Variants in FANCC observed in about 807,000 individuals in gnomAD.
FANCC encodes Fanconi anemia group C protein.
FANCC carries 55 observed loss-of-function variants against 71.3 expected under a neutral mutation model. The ratio of observed to expected loss-of-function variants is 0.77; its 90% confidence interval spans 0.62 to 0.97. FANCC has a LOEUF of 0.97. Among genes scored for constraint, FANCC ranks in the 50% least tolerant of loss-of-function variants. FANCC has a pLI of 0.00. For missense variants in FANCC, 678 were observed against 670.9 expected, an observed-to-expected ratio of 1.01 and a Z score of -0.12; for synonymous variants, 275 against 244.9, an observed-to-expected ratio of 1.12 and a Z score of -1.15.
chr9:95,307,740 C>G (rs1004876897), intron 1 of FANCC, among the ~76,000 whole-genome samples: 15 of 152,220 alleles, frequency 9.9e-5, no homozygotes, highest in African/African-American at 3.6e-4. Flanking sequence ...AGTGGTAGAG[C>G]ATTTGACTGC....
chr9:95,105,544 G>A (rs74708518), intron 14 of FANCC, among the ~76,000 whole-genome samples: 7 of 152,302 alleles, frequency 4.6e-5, no homozygotes, highest in African/African-American at 1.7e-4. Context: ...AAAATGTGCT[G>A]TTTTACCCAT....
intron 7 of FANCC, among the ~76,000 whole-genome samples, chr9:95,140,096 T>C (rs1260152809): frequency 2.0e-5 from 3 of 151,960 alleles, no homozygotes; most frequent in African/African-American, 2.4e-5. Flanking sequence ...TACCTAATAA[T>C]TGGGAGAGTT....
At chr9:95,271,052 C>T (rs1016719440) in intron 1 of FANCC, among the ~76,000 whole-genome samples, 1 of 152,156 alleles carries the variant, frequency 6.6e-6, no homozygotes, top group Non-Finnish European at 1.5e-5. Context: ...TGCTCATCAA[C>T]CAAGGACAGT....
At chr9:95,313,805 A>C (rs56769237) in intron 1 of FANCC, among the ~76,000 whole-genome samples, 1,733 of 152,334 alleles carry the variant, frequency 0.011, 31 homozygotes, top group African/African-American at 0.039. Context: ...ATAAATACAC[A>C]AATCAGTTAA....
At chr9:95,306,228 T>C (rs1329103664) in intron 1 of FANCC, among the ~76,000 whole-genome samples, 1 of 152,230 alleles carries the variant, frequency 6.6e-6, no homozygotes, top group Non-Finnish European at 1.5e-5. Flanking sequence ...TCCATTCATA[T>C]ACAAACATTT....
chr9:95,286,380 G>T (rs931591208), intron 1 of FANCC, among the ~76,000 whole-genome samples: 1 of 152,148 alleles, frequency 6.6e-6, no homozygotes, highest in Non-Finnish European at 1.5e-5. Context: ...TGGTGTAGGG[G>T]CTTCCAGGAA....
rs536793821 is a variant in FANCC at position 95,136,922 on chromosome 9, C to A, written c.687-1420G>T. On this transcript the variant is annotated intron_variant, in intron 7 of 14. Coordinates refer to ENST00000289081, the MANE Select transcript of FANCC (RefSeq NM_000136.3). The stretch of plus-strand genomic sequence containing the variant: ...CATGTCTGTCTCTGAGCCCCAACTG[C>A]TGGCTCTGGGATACAGTAGAGCTGC... Among the ~76,000 whole-genome samples, 15 of 152,332 alleles carry A rather than the reference C, an allele frequency of 9.8e-5. No homozygotes were observed. In the South Asian group the frequency reaches 3.1e-3, roughly 32 times the overall value.
At chr9:95,296,100 G>A (rs1028772851) in intron 1 of FANCC, among the ~76,000 whole-genome samples, 1 of 152,128 alleles carries the variant, frequency 6.6e-6, no homozygotes, top group Non-Finnish European at 1.5e-5. Flanking sequence ...AACTCATTGA[G>A]TTCTATAGAT....
chr9:95,228,002 C>A (rs1829734034), intron 4 of FANCC, among the ~76,000 whole-genome samples: 1 of 152,192 alleles, frequency 6.6e-6, no homozygotes, highest in Non-Finnish European at 1.5e-5. Context: ...ACTCCTCCAA[C>A]AAAGTGTCTC....
At chr9:95,192,197 C>T (rs1483300721) in intron 4 of FANCC, among the ~76,000 whole-genome samples, 1 of 152,130 alleles carries the variant, frequency 6.6e-6, no homozygotes, top group African/African-American at 2.4e-5. Flanking sequence ...CTGCTGGGAC[C>T]AACGACAGGA....
At chr9:95,146,689 A>G (rs1182983171) in intron 7 of FANCC, among the ~76,000 whole-genome samples, 1 of 151,892 alleles carries the variant, frequency 6.6e-6, no homozygotes, top group African/African-American at 2.4e-5. Context: ...TGCAAATTAT[A>G]CCACACAGTG....
At chr9:95,151,502 T>C (rs1363692650) in intron 6 of FANCC, among the ~76,000 whole-genome samples, 1 of 152,216 alleles carries the variant, frequency 6.6e-6, no homozygotes, top group Non-Finnish European at 1.5e-5. Flanking sequence ...AAAACAAACA[T>C]GTTCTGTAAT....
rs188744248 is a variant in FANCC, at chr9:95,156,346, C to T, written c.522-6259G>A. On this transcript the variant is annotated intron_variant, in intron 6 of 14. Coordinates refer to ENST00000289081, the MANE Select transcript of FANCC (RefSeq NM_000136.3). ...CTGAATTTACTAAGAATATGAGATG[C>T]CTGTGCTAGCAGAGTGCTCCCTGTA... 2.6e-3 allele frequency among the ~76,000 whole-genome samples: 397 copies of T among 152,258 alleles called. 1 individual carries two copies. Among genetic ancestry groups the T allele is most frequent in the Non-Finnish European group, 4.7e-3 (320 of 68,030 alleles).
intron 1 of FANCC, among the ~76,000 whole-genome samples, chr9:95,285,074 G>A (rs1833610498): frequency 6.6e-6 from 1 of 151,612 alleles, no homozygotes. Context: ...TAAATAAAAC[G>A]GTATGTTGCC....
intron 1 of FANCC, among the ~76,000 whole-genome samples, chr9:95,259,809 C>G (rs1564805363): frequency 6.6e-6 from 1 of 152,090 alleles, no homozygotes; most frequent in Non-Finnish European, 1.5e-5. Flanking sequence ...AAAGGGCTAA[C>G]ATCCAGAATC....
intron 7 of FANCC, among the ~76,000 whole-genome samples, chr9:95,140,469 G>C (rs1222538317): frequency 6.8e-6 from 1 of 146,448 alleles, no homozygotes; most frequent in East Asian, 2.0e-4. Flanking sequence ...TATTTTTATA[G>C]CTACAAAAAA....
At chr9:95,193,512 G>A (rs1827235835) in intron 4 of FANCC, among the ~76,000 whole-genome samples, 1 of 152,174 alleles carries the variant, frequency 6.6e-6, no homozygotes, top group Non-Finnish European at 1.5e-5. Flanking sequence ...TTAAATTTGA[G>A]ATTATTTTGT....
chr9:95,217,569 T>A (rs1284171034), intron 4 of FANCC, among the ~76,000 whole-genome samples: 16 of 152,120 alleles, frequency 1.1e-4, no homozygotes, highest in African/African-American at 3.6e-4. Flanking sequence ...TTTTTTTAAC[T>A]AAATTTAAAT....
intron 6 of FANCC, among the ~76,000 whole-genome samples, chr9:95,155,238 G>T (rs1283158658): frequency 2.1e-5 from 1 of 47,694 alleles, no homozygotes; most frequent in South Asian, 9.2e-4. Context: ...CGAGAGAAAA[G>T]AGAGAGGGGA....
Sources: gnomAD v4.1 joint callset for allele counts (sites outside exome capture counted in the v4.1 genomes callset) on GRCh38, gnomAD v4.1.1 for gene constraint, MANE v1.5 for transcripts, NCBI Gene and HGNC (gene_info 2026-07-23, HGNC 2026-07-21) for gene names.